The following OTOGL variants were observed in gnomAD, a reference collection of about 807,000 sequenced individuals.
OTOGL encodes otogelin-like protein.
A neutral mutation model predicts 318.5 loss-of-function variants in OTOGL; 285 were observed. The observed-to-expected ratio is 0.89, with a 90% CI of 0.81 to 0.99. The LOEUF (loss-of-function observed/expected upper bound fraction) is 0.99. OTOGL is among the 50% of genes least tolerant of loss of function. OTOGL has a pLI of 0.00. For missense variants in OTOGL, 2,899 were observed against 2,845.6 expected, an observed-to-expected ratio of 1.02 and a Z score of -0.43; for synonymous variants, 987 against 936.5, an observed-to-expected ratio of 1.05 and a Z score of -0.99.
chr12:80,345,298 T>C (rs918399364), intron 44 of OTOGL, among the ~76,000 whole-genome samples: 1 of 146,980 alleles, frequency 6.8e-6, no homozygotes, highest in African/African-American at 2.6e-5. Flanking sequence ...TACAGTGGCA[T>C]GATCTCGGCT....
chr12:80,167,185 G>A (rs553630956), intron 1 of OTOGL, among the ~76,000 whole-genome samples: 1 of 152,028 alleles, frequency 6.6e-6, no homozygotes, highest in Non-Finnish European at 1.5e-5. Context: ...CACGGAGTTG[G>A]AAAAGAAACA....
At chr12:80,372,933 C>T (rs1375323549) in intron 57 of OTOGL, among the ~76,000 whole-genome samples, 3 of 152,078 alleles carry the variant, frequency 2.0e-5, no homozygotes, top group Non-Finnish European at 2.9e-5. Flanking sequence ...GTGATCTGCC[C>T]ACTTCGGCCT....
intron 57 of OTOGL, among the ~76,000 whole-genome samples, chr12:80,374,311 TG>T (rs1265892460): frequency 3.9e-5 from 6 of 152,126 alleles, no homozygotes; most frequent in Non-Finnish European, 7.3e-5. Flanking sequence ...CACCTCCTAA[TG>T]ATCTCATTTT....
rs1034971658 is a variant in OTOGL at position 80,135,996 on chromosome 12, C to T, written c.-20+36391C>T. Among the ~76,000 whole-genome samples the T allele has an allele frequency of 1.5e-4, 23 of 152,190 alleles. 1 individual carries two copies. Among genetic ancestry groups the T allele is most frequent in the Admixed American group, 5.9e-4 (9 of 15,276 alleles). ...ATATTGGCTGTGCAGATTTTGAGCT[C>T]GCCAACCTTCATAATCATGTGAACC... On this transcript the variant is annotated intron_variant, in intron 1 of 58. Coordinates refer to ENST00000547103, the MANE Select transcript of OTOGL (RefSeq NM_001378609.3).
At chr12:80,110,566 T>G (rs1402836297) in intron 1 of OTOGL, among the ~76,000 whole-genome samples, 1 of 152,222 alleles carries the variant, frequency 6.6e-6, no homozygotes, top group Non-Finnish European at 1.5e-5. Context: ...TCCATGTCCC[T>G]GCAAAGGACA....
intron 22 of OTOGL, among the ~76,000 whole-genome samples, chr12:80,268,225 A>G (rs1883148069): frequency 1.3e-5 from 2 of 152,294 alleles, no homozygotes; most frequent in South Asian, 4.1e-4. Context: ...AATAACAATA[A>G]TAATCATTTC....
At chr12:80,152,596 G>T (rs1050685551) in intron 1 of OTOGL, among the ~76,000 whole-genome samples, 17 of 152,230 alleles carry the variant, frequency 1.1e-4, no homozygotes, top group African/African-American at 4.1e-4. Context: ...AGTCACCAAT[G>T]ACCTTTGAGT....
At chr12:80,138,847 A>G (rs1263889956) in intron 1 of OTOGL, among the ~76,000 whole-genome samples, 1 of 152,142 alleles carries the variant, frequency 6.6e-6, no homozygotes, top group Non-Finnish European at 1.5e-5. Context: ...ATGTTTTTTG[A>G]GTGAATGAAT....
intron 29 of OTOGL, among the ~76,000 whole-genome samples, chr12:80,308,703 G>A (rs1283672208): frequency 2.6e-5 from 4 of 152,212 alleles, no homozygotes; most frequent in East Asian, 1.9e-4. Flanking sequence ...ACGAGACTCC[G>A]TCTGCAATCC....
intron 32 of OTOGL, among the ~76,000 whole-genome samples, chr12:80,315,972 T>C (rs1256860529): frequency 6.6e-6 from 1 of 151,990 alleles, no homozygotes; most frequent in African/African-American, 2.4e-5. Flanking sequence ...AACAGTAGCT[T>C]TTGTTGTGTT....
chr12:80,337,390 C>T (rs1300112535), intron 42 of OTOGL, among the ~76,000 whole-genome samples: 2 of 151,742 alleles, frequency 1.3e-5, no homozygotes, highest in Non-Finnish European at 2.9e-5. Flanking sequence ...GAATAAAGAC[C>T]GTTAAGAGAA....
intron 1 of OTOGL, among the ~76,000 whole-genome samples, chr12:80,113,697 G>A (rs1869985566): frequency 2.6e-5 from 4 of 152,094 alleles, no homozygotes; most frequent in Admixed American, 2.6e-4. Context: ...TTAATTTTTT[G>A]TCTCACTGAT....
At chr12:80,157,696 T>C (rs1183791387) in intron 1 of OTOGL, among the ~76,000 whole-genome samples, 1 of 152,196 alleles carries the variant, frequency 6.6e-6, no homozygotes, top group African/African-American at 2.4e-5. Flanking sequence ...TTTACCCCAG[T>C]GCTTGTTCTT....
At chr12:80,320,330 T>C (rs1887241145) in intron 33 of OTOGL, 92 bp from the exon 34 acceptor site, 4 of 1,260,806 alleles carry the variant, frequency 3.2e-6, no homozygotes, top group South Asian at 1.5e-5. Flanking sequence ...AATTGTGCAG[T>C]ACTATTTTGT....
rs1248831038 is a variant in OTOGL at position 80,147,884 on chromosome 12, C to CT, written c.-20+48286dup. On this transcript the variant is annotated intron_variant, in intron 1 of 58. Transcript: ENST00000547103. ...CAGAGACTAGGATTGCAACCCCTGC[C>CT]TTTTTTTGTTCTCCATTTGCTTGGT... Among the ~76,000 whole-genome samples, 5 of 152,012 alleles carry CT rather than the reference C, an allele frequency of 3.3e-5. No individual in the cohort carries two copies. In the East Asian group the frequency reaches 5.8e-4, roughly 18 times the overall value.
At chr12:80,361,652 G>T (rs1344249597) in intron 52 of OTOGL, among the ~76,000 whole-genome samples, 1 of 151,944 alleles carries the variant, frequency 6.6e-6, no homozygotes, top group South Asian at 2.1e-4. Flanking sequence ...GCTATCTTTT[G>T]TCTTCTTGAT....
chr12:80,244,197 T>A (rs1471837236), intron 11 of OTOGL, among the ~76,000 whole-genome samples: 1 of 151,414 alleles, frequency 6.6e-6, no homozygotes, highest in African/African-American at 2.4e-5. Context: ...TACTTTAAGT[T>A]TTAGGGTACA....
At chr12:80,154,723 C>T (rs570289580) in intron 1 of OTOGL, among the ~76,000 whole-genome samples, 1 of 152,140 alleles carries the variant, frequency 6.6e-6, no homozygotes, top group Admixed American at 6.5e-5. Flanking sequence ...CAGGTTTTGG[C>T]AAAAATAAAG....
chr12:80,359,855 A>G (rs1890130481), intron 52 of OTOGL, among the ~76,000 whole-genome samples: 1 of 152,246 alleles, frequency 6.6e-6, no homozygotes, highest in South Asian at 2.1e-4. Flanking sequence ...TCACAGTTAC[A>G]TAACATATTC....
Sources: allele counts gnomAD v4.1 joint callset (sites outside exome capture counted in the v4.1 genomes callset), GRCh38; gene constraint gnomAD v4.1.1; transcripts MANE v1.5; gene names NCBI Gene and HGNC (gene_info 2026-07-23, HGNC 2026-07-21).